The following KIF26B variants were observed in gnomAD, a reference collection of about 807,000 sequenced individuals.
KIF26B encodes kinesin-like protein KIF26B.
A neutral mutation model predicts 151.2 loss-of-function variants in KIF26B; 63 were observed. The ratio of observed to expected loss-of-function variants is 0.42; its 90% CI spans 0.34 to 0.51. The LOEUF is 0.51. Ranked by LOEUF, KIF26B falls within the 20% of genes least tolerant of loss-of-function variation. The pLI is 0.07. For synonymous variants in KIF26B, 1,357 were observed against 1,262.1 expected, an observed-to-expected ratio of 1.08 and a Z score of -1.59; for missense variants, 2,813 against 2,913.6, an observed-to-expected ratio of 0.97 and a Z score of 0.79.
Position 245,518,414 on chromosome 1 carries a change from G to A in KIF26B, c.1167-22353G>A, listed in dbSNP as rs546103859. Among the ~76,000 whole-genome samples the A allele has an allele frequency of 2.8e-3, 420 of 152,278 alleles. 1 individual carries two copies. Among genetic ancestry groups the A allele is most frequent in the African/African-American group, 9.6e-3 (401 of 41,558 alleles). Reference sequence around the variant, plus strand: ...ACCTATTTATCTTGAGCTGGTATTAGTATATCCATTTCTAAAAATCCTTGC... The same window carrying A: ...ACCTATTTATCTTGAGCTGGTATTAATATATCCATTTCTAAAAATCCTTGC... On this transcript the variant is annotated intron_variant, in intron 4 of 14. Coordinates refer to ENST00000407071, the MANE Select transcript of KIF26B (RefSeq NM_018012.4).
intron 5 of KIF26B, among the ~76,000 whole-genome samples, chr1:245,543,808 C>T (rs1330335263): frequency 3.3e-5 from 5 of 152,064 alleles, no homozygotes; most frequent in African/African-American, 1.2e-4. Flanking sequence ...ATTAGCCAAG[C>T]TTGGCGGCAC....
intron 3 of KIF26B, among the ~76,000 whole-genome samples, chr1:245,385,759 G>A (rs1259111003): frequency 6.6e-6 from 1 of 152,246 alleles, no homozygotes; most frequent in Non-Finnish European, 1.5e-5. Context: ...CAGGCAGGTA[G>A]TGGGGAAGGC....
At position 245,419,561 on chromosome 1, in the gene KIF26B, A is replaced by G. The variant is rs760588743; in HGVS notation, c.1000-18A>G. On this transcript the variant is annotated intron_variant, in intron 3 of 14. Transcript: ENST00000407071. ...GTGAGCCACAGGTAATGAGCTCCGT[A>G]TCCATTTTCTTTGTCAGATCTCCCA... 1 of 1,601,102 alleles carries G rather than the reference A, an allele frequency of 6.2e-7. No homozygotes were observed. Among genetic ancestry groups the G allele is most frequent in the African/African-American group, 1.3e-5 (1 of 74,614 alleles).
At chr1:245,282,615 C>G (rs1489663884) in intron 2 of KIF26B, among the ~76,000 whole-genome samples, 1 of 152,176 alleles carries the variant, frequency 6.6e-6, no homozygotes, top group Non-Finnish European at 1.5e-5. Flanking sequence ...ACATCAATGA[C>G]ATGCCCAATC....
chr1:245,335,799 A>AGGGTCCC (rs1672212734), intron 2 of KIF26B, among the ~76,000 whole-genome samples: 1 of 140,472 alleles, frequency 7.1e-6, no homozygotes, highest in Non-Finnish European at 1.5e-5. Context: ...CAGGGAAAGG[A>AGGGTCCC]AGGTCCCACG....
chr1:245,654,364 G>A (rs150503837), intron 10 of KIF26B, among the ~76,000 whole-genome samples: 15 of 152,212 alleles, frequency 9.9e-5, no homozygotes, highest in African/African-American at 3.4e-4. Context: ...GCAACGAGAC[G>A]CTCCTGACTT....
At chr1:245,213,120 C>T (rs753895579) in intron 2 of KIF26B, among the ~76,000 whole-genome samples, 8 of 152,140 alleles carry the variant, frequency 5.3e-5, no homozygotes, top group African/African-American at 1.4e-4. Flanking sequence ...GATTTCCTTT[C>T]GGTTCAGAAC....
intron 4 of KIF26B, among the ~76,000 whole-genome samples, chr1:245,509,882 C>T (rs1452035874): frequency 6.6e-6 from 1 of 152,190 alleles, no homozygotes; most frequent in African/African-American, 2.4e-5. Flanking sequence ...TCCTCTGTTG[C>T]TTCTTCTTCC....
Position 245,244,023 on chromosome 1 carries a change from T to A in KIF26B, c.465+87340T>A, listed in dbSNP as rs1419102458. ...GGTGTGATCATGGCTCACTGCAGTC[T>A]CCAGCTCCTCACTCAAGCAATCCTC... On this transcript the variant is annotated intron_variant, in intron 2 of 14. Transcript: ENST00000407071. This position sits in a 1 kb window ranked among gnomAD's most constrained non-coding sequence, Gnocchi z 4.2. Among the ~76,000 whole-genome samples the A allele has an allele frequency of 1.3e-5, 2 of 152,328 alleles. No individual in the cohort carries two copies. The highest frequency in any genetic ancestry group is 3.4e-3 in the Middle Eastern group (1 of 294).
At chr1:245,690,528 G>A (rs993616526) in intron 12 of KIF26B, among the ~76,000 whole-genome samples, 3 of 152,210 alleles carry the variant, frequency 2.0e-5, no homozygotes, top group African/African-American at 7.2e-5. Context: ...TGTAAGGGCT[G>A]TGGTCAGTGA....
intron 2 of KIF26B, among the ~76,000 whole-genome samples, chr1:245,283,752 A>G (rs1367912931): frequency 1.3e-5 from 2 of 150,012 alleles, no homozygotes; most frequent in Admixed American, 6.7e-5. Flanking sequence ...CACTGGCACA[A>G]TCTTGGTTCA....
chr1:245,194,456 C>A (rs1247026769), intron 2 of KIF26B, among the ~76,000 whole-genome samples: 1 of 152,102 alleles, frequency 6.6e-6, no homozygotes, highest in Non-Finnish European at 1.5e-5. Flanking sequence ...AAACTCGGCT[C>A]ACTGCAACCC....
At chr1:245,566,212 G>A (rs935702950) in intron 5 of KIF26B, among the ~76,000 whole-genome samples, 3 of 152,208 alleles carry the variant, frequency 2.0e-5, no homozygotes, top group Non-Finnish European at 2.9e-5. Context: ...TGATTTTTGC[G>A]TTTCCCACAG....
rs944475321 is a variant in KIF26B at position 245,352,665 on chromosome 1, T to A, written c.466-14169T>A. 6.6e-6 allele frequency among the ~76,000 whole-genome samples: 1 copy of A among 152,202 alleles called. No homozygotes were observed. Among genetic ancestry groups the A allele is most frequent in the African/African-American group, 2.4e-5 (1 of 41,438 alleles). On this transcript the variant is annotated intron_variant, in intron 2 of 14. Transcript: ENST00000407071. The surrounding 1 kb of genome is among the most constrained non-coding windows in gnomAD (Gnocchi z 5.0). Reference sequence around the variant, plus strand: ...AACAATCACTTTACGAACATTTTTTTAACTTTTTCAGAATCGATTCAAGGA... The same window carrying A: ...AACAATCACTTTACGAACATTTTTTAAACTTTTTCAGAATCGATTCAAGGA...
intron 2 of KIF26B, among the ~76,000 whole-genome samples, chr1:245,366,184 T>C (rs1002107158): frequency 2.6e-5 from 4 of 152,194 alleles, no homozygotes; most frequent in East Asian, 3.8e-4. Context: ...TTCCTTCTGA[T>C]TGAACACCTT....
Position 245,318,208 on chromosome 1 carries a change from G to C in KIF26B, c.466-48626G>C, listed in dbSNP as rs1156537864. ...GGTCAAATCAGCAAATGTTTATTAA[G>C]TACACACAACAGACAGGGCACTGTA... On this transcript the variant is annotated intron_variant, in intron 2 of 14. Transcript: ENST00000407071. This position sits in a 1 kb window ranked among gnomAD's most constrained non-coding sequence, Gnocchi z 4.0. Among the ~76,000 whole-genome samples the C allele has an allele frequency of 6.6e-6, 1 of 152,132 alleles. No homozygotes were observed. Among genetic ancestry groups the C allele is most frequent in the Non-Finnish European group, 1.5e-5 (1 of 68,026 alleles).
intron 2 of KIF26B, among the ~76,000 whole-genome samples, chr1:245,213,179 G>A (rs1669578167): frequency 6.6e-6 from 1 of 152,118 alleles, no homozygotes; most frequent in Non-Finnish European, 1.5e-5. Context: ...GGAGGGAGAG[G>A]AAATTAACTA....
At chr1:245,695,568 G>GC (rs2147965247) in intron 12 of KIF26B, among the ~76,000 whole-genome samples, 1 of 152,298 alleles carries the variant, frequency 6.6e-6, no homozygotes, top group South Asian at 2.1e-4. Flanking sequence ...GGTATTCCTA[G>GC]CCCCCAAACC....
intron 5 of KIF26B, among the ~76,000 whole-genome samples, chr1:245,575,544 T>C (rs1052285785): frequency 3.9e-5 from 6 of 152,108 alleles, no homozygotes; most frequent in African/African-American, 1.2e-4. Flanking sequence ...TTTCACTCAC[T>C]GACCTGTTTT....
Sources: gnomAD v4.1 joint callset for allele counts (sites outside exome capture counted in the v4.1 genomes callset) on GRCh38, gnomAD v4.1.1 for gene constraint, Gnocchi (gnomAD v3.1) non-coding constraint, MANE v1.5 for transcripts, NCBI Gene and HGNC (gene_info 2026-07-23, HGNC 2026-07-21) for gene names.